Variants in MEIOB observed in about 807,000 individuals in gnomAD.
The protein encoded by MEIOB is meiosis-specific with OB domain-containing protein.
A neutral mutation model predicts 53.1 loss-of-function variants in MEIOB; 50 were observed. That is an observed-to-expected ratio of 0.94 (90% CI 0.75 to 1.19). The LOEUF (loss-of-function observed/expected upper bound fraction) is 1.19. MEIOB is among the 50% of genes most tolerant of loss of function. The pLI, the probability that MEIOB is intolerant of heterozygous loss-of-function variation, is 0.00. For missense variants in MEIOB, 551 were observed against 550.8 expected (o/e 1.00, Z 0.00); for synonymous variants, 192 against 182.5 (o/e 1.05, Z -0.42).
In MEIOB at chr16:1,834,001, G is replaced by A. The variant is rs569420854; in HGVS notation, c.*255C>T. The A allele has an allele frequency of 3.0e-4, 105 of 344,600 alleles. 1 individual carries two copies. The highest frequency in any genetic ancestry group is 1.0e-5 in the Non-Finnish European group (2 of 191,206). 21.3% of individuals were successfully genotyped at this position (344,600 alleles called of 1,614,324 possible). On this transcript the variant is annotated 3_prime_UTR_variant, in exon 14 of 14. Transcript: ENST00000325962. ...TTCAAATCTGTAGAAGATTAAATCT[G>A]TTTATTAATTCATGTAAACATTTTC...
chr16:1,847,716 T>A (rs1341274514), intron 9 of MEIOB, among the ~76,000 whole-genome samples: 1 of 152,050 alleles, frequency 6.6e-6, no homozygotes, highest in Non-Finnish European at 1.5e-5. Context: ...AGTTCCCATA[T>A]AAATCGGGCT....
At chr16:1,851,317 C>T (rs1025336842) in intron 9 of MEIOB, among the ~76,000 whole-genome samples, 1 of 152,202 alleles carries the variant, frequency 6.6e-6, no homozygotes, top group Non-Finnish European at 1.5e-5. Flanking sequence ...CTTTAGCCTC[C>T]TCATCAAGTC....
At chr16:1,871,829 C>T (rs575533244) in intron 1 of MEIOB, among the ~76,000 whole-genome samples, 164 bp downstream of exon 1, 3 of 14,544 alleles carry the variant, frequency 2.1e-4, no homozygotes, top group Admixed American at 6.7e-4. Flanking sequence ...GGTATGGTGG[C>T]GCACGCCTCT....
rs1449796445 is a variant in MEIOB at position 1,839,257 on chromosome 16, T to C, written c.1216A>G (p.Thr406Ala). 2.5e-6 allele frequency: 4 copies of C among 1,592,484 alleles called. No homozygotes were observed. The highest frequency in any genetic ancestry group is 3.6e-5 in the Admixed American group (2 of 55,090). Residue 406 changes from threonine to alanine, a missense_variant and splice_region_variant, in exon 12 of 14, where the codon ACG becomes GCG. Thr to Ala is a moderately conservative substitution (Grantham distance 58, BLOSUM62 0). Coordinates refer to ENST00000325962, the MANE Select transcript of MEIOB (RefSeq NM_001163560.3). ...ATTTCTTCCTTTTTGCTATTTACCG[T>C]GCAGCCCAAAGTCTCCTCAGCAACA... is the stretch of plus-strand genomic sequence containing the variant. ...GSVAEETLGC[T>A]VHEFLAMTDE...
intron 12 of MEIOB, 169 bp from the exon 13 acceptor site, chr16:1,838,039 C>T (rs1898796234): frequency 7.7e-7 from 1 of 1,302,110 alleles, no homozygotes. Flanking sequence ...CTCTGTCGCC[C>T]AAGCTGGAGT....
Position 1,841,737 on chromosome 16 carries a change from T to A in MEIOB, c.1034+83A>T, listed in dbSNP as rs962734740. The A allele has an allele frequency of 9.2e-6, 10 of 1,087,840 alleles. No individual in the cohort carries two copies. The African/African-American group carries it at 1.6e-4, about 17-fold the overall frequency. 67.4% of individuals were successfully genotyped at this position (1,087,840 alleles called of 1,614,324 possible). A position where few individuals can be genotyped will look rare whatever the true frequency, so the allele number is the denominator to read the frequency against. ...ACCCCTGTTACATCAACAAACAGCT[T>A]TAACTTTTAGAGAGCTTAAAATTTA... On this transcript the variant is annotated intron_variant, in intron 11 of 13. Transcript: ENST00000325962.
chr16:1,840,005 C>T (rs569282812), intron 11 of MEIOB: 1 of 152,312 alleles, frequency 6.6e-6, no homozygotes, highest in South Asian at 2.1e-4. Flanking sequence ...GATACACTCT[C>T]CTCTCTTTCA....
chr16:1,860,541 A>G, intron 4 of MEIOB, 66 bp from the exon 5 acceptor site: 1 of 909,232 alleles, frequency 1.1e-6, no homozygotes, highest in South Asian at 1.5e-5. Context: ...AACATCCTAA[A>G]TAACATCCTG....
At chr16:1,854,505 G>A (rs1742424) in intron 6 of MEIOB, among the ~76,000 whole-genome samples, 15,407 of 152,232 alleles carry the variant, frequency 0.1, 1,073 homozygotes, top group South Asian at 0.2. Context: ...GGGCATCTAC[G>A]TGGACTCCTC....
In MEIOB at chr16:1,844,862, A is replaced by G; in HGVS notation, c.880T>C (p.Leu294=). The change falls in exon 10 of 14, where the codon TTA becomes CTA. Residue 294 remains leucine (L), a splice_region_variant and synonymous_variant. Transcript: ENST00000325962. ...IDSYFKESIN[L]STIVDVYTVE... ...CAAATATATTTAAACGGTCACTTAC[A>G]ATTTATGGATTCTTTGAAATAACTG... is the stretch of plus-strand genomic sequence containing the variant. 1 of 1,497,972 alleles carries G rather than the reference A, an allele frequency of 6.7e-7. No individual in the cohort carries two copies. The highest frequency in any genetic ancestry group is 9.2e-7 in the Non-Finnish European group (1 of 1,084,632). 92.8% of individuals were successfully genotyped at this position (1,497,972 alleles called of 1,614,324 possible).
intron 6 of MEIOB, 27 bp from the exon 7 acceptor site, chr16:1,854,227 C>G (rs1027266892): frequency 7.5e-6 from 10 of 1,329,796 alleles, no homozygotes; most frequent in Non-Finnish European, 1.1e-5. Flanking sequence ...AATCATTACT[C>G]TTCACCTATA....
intron 3 of MEIOB, among the ~76,000 whole-genome samples, chr16:1,863,318 G>A (rs1416361350): frequency 6.6e-6 from 1 of 150,920 alleles, no homozygotes; most frequent in African/African-American, 2.4e-5. Context: ...AGCAGCTGGG[G>A]CTACAGACGC....
intron 12 of MEIOB, chr16:1,838,094 T>C: frequency 1.4e-6 from 1 of 732,836 alleles, no homozygotes; most frequent in Non-Finnish European, 2.2e-6. Flanking sequence ...ACTCCCGGGG[T>C]CAAGCAATCC....
Position 1,834,164 on chromosome 16 carries a change from T to G in MEIOB, c.*92A>C, listed in dbSNP as rs1199715618. The G allele has an allele frequency of 1.4e-6, 1 of 708,066 alleles. No individual in the cohort carries two copies. The highest frequency in any genetic ancestry group is 2.4e-6 in the Non-Finnish European group (1 of 410,150). The allele number at this position is 708,066 out of a possible 1,614,324, so 43.9% of individuals were successfully genotyped here. On this transcript the variant is annotated 3_prime_UTR_variant, in exon 14 of 14. Coordinates refer to ENST00000325962, the MANE Select transcript of MEIOB (RefSeq NM_001163560.3). ...ACATGTTCACCACATGTAAACAAAA[T>G]GCAATTTTCCCCATAATTTTCAAAT...
At chr16:1,861,609 G>A (rs933049437) in intron 4 of MEIOB, among the ~76,000 whole-genome samples, 5 of 129,124 alleles carry the variant, frequency 3.9e-5, no homozygotes, top group Non-Finnish European at 7.8e-5. Flanking sequence ...GAGGTACGAT[G>A]TTGGCTCGCT....
At chr16:1,865,377 A>C (rs1306777290) in intron 3 of MEIOB, among the ~76,000 whole-genome samples, 1 of 151,790 alleles carries the variant, frequency 6.6e-6, no homozygotes, top group Non-Finnish European at 1.5e-5. Context: ...GGTTGCAGTG[A>C]GTCGAGATCG....
chr16:1,854,493 T>C (rs1447722184), intron 6 of MEIOB, among the ~76,000 whole-genome samples: 1 of 152,230 alleles, frequency 6.6e-6, no homozygotes, highest in Non-Finnish European at 1.5e-5. Flanking sequence ...CAGGCCCCTC[T>C]GGGGCATCTA....
intron 6 of MEIOB, among the ~76,000 whole-genome samples, chr16:1,856,562 T>G (rs933521857): frequency 7.2e-5 from 11 of 152,036 alleles, no homozygotes; most frequent in African/African-American, 2.4e-4. Flanking sequence ...CTCGTGATCC[T>G]CCCGCCTCAG....
chr16:1,853,283 T>C lies in MEIOB; in HGVS notation c.630-12A>G. On this transcript the variant is annotated splice_polypyrimidine_tract_variant and intron_variant, in intron 7 of 13. Coordinates refer to ENST00000325962, the MANE Select transcript of MEIOB (RefSeq NM_001163560.3). ...ATTCATTATCCCAACTGCATTTGTTTAAAAAGAAGTAATACAAATTGAATA... is the reference window on the plus strand; with the variant it reads ...ATTCATTATCCCAACTGCATTTGTTCAAAAAGAAGTAATACAAATTGAATA... 6.5e-7 allele frequency: 1 copy of C among 1,533,760 alleles called. No homozygotes were observed. The highest frequency in any genetic ancestry group is 8.8e-7 in the Non-Finnish European group (1 of 1,130,742).
Sources: allele counts gnomAD v4.1 joint callset (sites outside exome capture counted in the v4.1 genomes callset), GRCh38; gene constraint gnomAD v4.1.1; transcripts MANE v1.5; gene names NCBI Gene and HGNC (gene_info 2026-07-23, HGNC 2026-07-21).